Variants in TTLL11 observed in about 807,000 individuals in gnomAD.
TTLL11 encodes tubulin polyglutamylase TTLL11.
In TTLL11, 42 loss-of-function variants were observed where a neutral mutation model predicts 51.7. The observed-to-expected ratio is 0.81, with a 90% CI of 0.64 to 1.05. TTLL11 has a LOEUF of 1.05. Among genes scored for constraint, TTLL11 ranks in the 50% least tolerant of loss-of-function variants. The pLI is 0.00. For missense variants in TTLL11, 799 were observed against 940.4 expected (o/e 0.85, Z 1.97); for synonymous variants, 381 against 383.5 (o/e 0.99, Z 0.08).
At chr9:122,042,921 T>A (rs776238743) in intron 1 of TTLL11, among the ~76,000 whole-genome samples, 1 of 152,190 alleles carries the variant, frequency 6.6e-6, no homozygotes, top group Non-Finnish European at 1.5e-5. Flanking sequence ...GATCAGTATT[T>A]GCCAGGGGCC....
At chr9:122,008,306 G>A (rs1301114003) in intron 3 of TTLL11, among the ~76,000 whole-genome samples, 1 of 152,120 alleles carries the variant, frequency 6.6e-6, no homozygotes, top group African/African-American at 2.4e-5. Flanking sequence ...CTATGGAATG[G>A]GAGAAAATAT....
In TTLL11 at chr9:121,989,111, G is replaced by A. The variant is rs41277112; in HGVS notation, c.1269+84C>T. On this transcript the variant is annotated intron_variant, in intron 4 of 8. Coordinates refer to ENST00000321582, the MANE Select transcript of TTLL11 (RefSeq NM_001139442.2). This position sits in a 1 kb window ranked among gnomAD's most constrained non-coding sequence, Gnocchi z 4.2. Reference sequence around the variant, plus strand: ...TCCCCTCCTCTGGCCATCCCACCCCGATCACTCATCCTACACGAAGCCAGA... The same window carrying A: ...TCCCCTCCTCTGGCCATCCCACCCCAATCACTCATCCTACACGAAGCCAGA... 0.08 allele frequency: 124,847 copies of A among 1,559,256 alleles called. 5,183 individuals are homozygous for A. The highest frequency in any genetic ancestry group is 0.084 in the Non-Finnish European group (96,964 of 1,150,708).
chr9:121,860,360 A>C lies in TTLL11; in HGVS notation c.1817T>G (p.Met606Arg). Residue 606 changes from methionine (M) to arginine (R), a missense_variant, in exon 8 of 9, where the codon ATG (methionine) becomes AGG (arginine). Met to Arg is a moderately conservative substitution (Grantham distance 91, BLOSUM62 -1). Coordinates refer to ENST00000321582, the MANE Select transcript of TTLL11 (RefSeq NM_001139442.2). ...YIDITRRWNS[M>R]TLDQRDSGMC... ...ACCTGAGTCCCGCTGGTCCAGGGTC[A>C]TGGAGTTCCACCTCCGTGTGATGTC... is the stretch of plus-strand genomic sequence containing the variant. 1 of 1,551,560 alleles carries C rather than the reference A, an allele frequency of 6.4e-7. No individual in the cohort carries two copies.
At position 122,062,462 on chromosome 9, in the gene TTLL11, C is replaced by CTTTTTTTT. The variant is rs386416145; in HGVS notation, c.463-23102_463-23095dup. 2.2e-3 allele frequency among the ~76,000 whole-genome samples: 172 copies of CTTTTTTTT among 77,696 alleles called. 2 individuals carry two copies. The highest frequency in any genetic ancestry group is 2.5e-3 in the Non-Finnish European group (113 of 44,560). The allele number at this position is 77,696 out of a possible 152,430, so 51.0% of individuals were successfully genotyped here. On this transcript the variant is annotated intron_variant, in intron 1 of 8. Transcript: ENST00000321582. ...AACTGTGCAAGATCTTTATATTATG[C>CTTTTTTTT]TTTTTTTTTTTTTTTTTTTTTTTTG... is the stretch of plus-strand genomic sequence containing the variant.
intron 3 of TTLL11, among the ~76,000 whole-genome samples, chr9:122,028,011 C>T (rs1369221449): frequency 6.6e-6 from 1 of 152,186 alleles, no homozygotes; most frequent in Non-Finnish European, 1.5e-5. Flanking sequence ...TGGAACTATA[C>T]TGCTGTAAGG....
At chr9:121,830,012 C>A (rs79501551) in intron 8 of TTLL11, among the ~76,000 whole-genome samples, 3,467 of 152,252 alleles carry the variant, frequency 0.023, 127 homozygotes, top group African/African-American at 0.077. Context: ...AGGTGGGGAC[C>A]ATGTCCCTGT....
intron 2 of TTLL11, among the ~76,000 whole-genome samples, chr9:122,038,541 C>T (rs1305515843): frequency 1.3e-5 from 2 of 152,040 alleles, no homozygotes; most frequent in African/African-American, 2.4e-5. Context: ...CCCAGCTACT[C>T]GGAAGGCTGA....
chr9:121,976,007 CCCAGAAA>C (rs1842700805), intron 4 of TTLL11, among the ~76,000 whole-genome samples: 1 of 152,174 alleles, frequency 6.6e-6, no homozygotes, highest in South Asian at 2.1e-4. Flanking sequence ...CAATGGATTT[CCCAGAAA>C]CCGCCTAGCT....
chr9:121,822,877 T>A lies in TTLL11; in HGVS notation c.1843A>T (p.Met615Leu). 6.5e-7 allele frequency: 1 copy of A among 1,548,606 alleles called. No individual in the cohort carries two copies. The change falls in exon 9 of 9, where the codon ATG (methionine) becomes TTG (leucine). Residue 615 changes from methionine to leucine, a missense_variant and splice_region_variant. This residue lies in a region of TTLL11 where 165 missense variants were observed against 166.1 expected (regional missense o/e 0.99). Transcript: ENST00000321582. The surrounding 1 kb of genome is among the most constrained non-coding windows in gnomAD (Gnocchi z 5.8). ...GCTTCTACGAAGGCCTGCAGACACATCCCTGTGAACAAAGAGACTGGATGA... is the reference window on the plus strand; with the variant it reads ...GCTTCTACGAAGGCCTGCAGACACAACCCTGTGAACAAAGAGACTGGATGA... ...SMTLDQRDSG[M>L]CLQAFVEAFF...
chr9:121,900,217 CTTTA>C (rs1294158349), intron 6 of TTLL11, among the ~76,000 whole-genome samples: 1 of 152,302 alleles, frequency 6.6e-6, no homozygotes, highest in Non-Finnish European at 1.5e-5. Context: ...TCTCAAGCGT[CTTTA>C]TTTTGCCTCT....
chr9:121,884,820 C>T (rs1189940762), intron 6 of TTLL11: 2 of 152,198 alleles, frequency 1.3e-5, no homozygotes, highest in Non-Finnish European at 2.9e-5. Flanking sequence ...GGGGTTGACG[C>T]TACTGTCTGC....
intron 6 of TTLL11, among the ~76,000 whole-genome samples, chr9:121,956,879 C>G (rs1207088682): frequency 6.6e-6 from 1 of 152,234 alleles, no homozygotes; most frequent in East Asian, 1.9e-4. Context: ...TCTGTCCTTA[C>G]TCAGCTGCAG....
chr9:122,071,491 G>A (rs1371968673), intron 1 of TTLL11, among the ~76,000 whole-genome samples: 1 of 152,168 alleles, frequency 6.6e-6, no homozygotes, highest in African/African-American at 2.4e-5. Context: ...CTCTGTGGCT[G>A]GAAACCTGGA....
intron 6 of TTLL11, among the ~76,000 whole-genome samples, chr9:121,910,061 T>C (rs1252034768): frequency 4.6e-5 from 7 of 152,174 alleles, no homozygotes; most frequent in Admixed American, 4.6e-4. Context: ...GAAATTATAA[T>C]TTCAAAATAA....
In TTLL11 at chr9:121,977,955, G is replaced by A. The variant is rs536151705; in HGVS notation, c.1270-2976C>T. On this transcript the variant is annotated intron_variant, in intron 4 of 8. Transcript: ENST00000321582. ...CTCCCAAAGTTCTGGGATTACAGACGTGAGCCACCGCGTCCGGCCCAGAAA... is the reference window on the plus strand; with the variant it reads ...CTCCCAAAGTTCTGGGATTACAGACATGAGCCACCGCGTCCGGCCCAGAAA... Among the ~76,000 whole-genome samples the A allele has an allele frequency of 3.3e-5, 5 of 152,212 alleles. No homozygotes were observed. The East Asian group carries it at 7.7e-4, about 24-fold the overall frequency.
At chr9:121,950,286 C>T (rs1021878284) in intron 6 of TTLL11, among the ~76,000 whole-genome samples, 2 of 152,110 alleles carry the variant, frequency 1.3e-5, no homozygotes, top group African/African-American at 2.4e-5. Context: ...TCCCTGAGGC[C>T]GTGGGCTGGT....
intron 1 of TTLL11, among the ~76,000 whole-genome samples, chr9:122,073,185 G>T (rs113000129): frequency 0.012 from 1,797 of 152,214 alleles, 31 homozygotes; most frequent in African/African-American, 0.041. Flanking sequence ...TGAGATAGGC[G>T]GATCACTTGA....
intron 6 of TTLL11, among the ~76,000 whole-genome samples, chr9:121,927,279 CAT>C (rs1409730254): frequency 1.3e-5 from 2 of 152,196 alleles, no homozygotes; most frequent in African/African-American, 4.8e-5. Context: ...GCATCTGACA[CAT>C]AGCGCATGCG....
At chr9:122,057,432 C>T (rs1048804861) in intron 1 of TTLL11, among the ~76,000 whole-genome samples, 1 of 151,476 alleles carries the variant, frequency 6.6e-6, no homozygotes, top group Admixed American at 6.6e-5. Flanking sequence ...AGCAATTCTC[C>T]TGCCTCAGCC....
Sources: gnomAD v4.1 joint callset for allele counts (sites outside exome capture counted in the v4.1 genomes callset) on GRCh38, gnomAD v4.1.1 for gene constraint, gnomAD v4.1.1 regional missense constraint, Gnocchi (gnomAD v3.1) non-coding constraint, MANE v1.5 for transcripts, NCBI Gene and HGNC (gene_info 2026-07-23, HGNC 2026-07-21) for gene names.